SFMBT2: variants seen among roughly 807,000 people sequenced by gnomAD.
The protein encoded by SFMBT2 is Scm like with four mbt domains 2, also known as scm-like with four MBT domains protein 2.
SFMBT2 carries 38 observed loss-of-function variants against 110.1 expected under a neutral mutation model. The ratio of observed to expected loss-of-function variants is 0.35; its 90% CI spans 0.27 to 0.45. SFMBT2 has a LOEUF of 0.45. Among genes scored for constraint, SFMBT2 ranks in the 20% least tolerant of loss-of-function variants. SFMBT2 has a pLI of 1.00. For missense variants in SFMBT2, 1,011 were observed against 1,094.9 expected, an observed-to-expected ratio of 0.92 and a Z score of 1.08; for synonymous variants, 425 against 425.4, an observed-to-expected ratio of 1.00 and a Z score of 0.01.
chr10:7,364,220 C>T (rs1444931085), intron 4 of SFMBT2, among the ~76,000 whole-genome samples: 1 of 152,238 alleles, frequency 6.6e-6, no homozygotes, highest in African/African-American at 2.4e-5. Context: ...TGATTACCCA[C>T]TAAATGTTTT....
intron 3 of SFMBT2, among the ~76,000 whole-genome samples, chr10:7,368,103 A>G (rs985686396): frequency 6.6e-6 from 1 of 152,262 alleles, no homozygotes; most frequent in Non-Finnish European, 1.5e-5. Flanking sequence ...AAAAAAGAAT[A>G]AATTTAATTC....
At chr10:7,190,237 T>C (rs1838553247) in intron 15 of SFMBT2, among the ~76,000 whole-genome samples, 1 of 152,252 alleles carries the variant, frequency 6.6e-6, no homozygotes, top group Admixed American at 6.5e-5. Flanking sequence ...CTGATTTTAT[T>C]GTTTACTGTC....
chr10:7,296,914 C>T (rs1406172339), intron 4 of SFMBT2, among the ~76,000 whole-genome samples: 1 of 152,366 alleles, frequency 6.6e-6, no homozygotes, highest in Admixed American at 6.5e-5. Context: ...GGTTCCATCA[C>T]AGCAGCGGCT....
At chr10:7,177,388 G>A (rs1238229875) in intron 16 of SFMBT2, among the ~76,000 whole-genome samples, 3 of 152,116 alleles carry the variant, frequency 2.0e-5, no homozygotes, top group Non-Finnish European at 4.4e-5. Flanking sequence ...TCTAACTGAG[G>A]GGCCTCACAT....
At chr10:7,186,425 T>TACACATACACACAC (rs1554782947) in intron 16 of SFMBT2, among the ~76,000 whole-genome samples, 38 of 109,368 alleles carry the variant, frequency 3.5e-4, no homozygotes, top group African/African-American at 1.2e-3. Context: ...ATACTATATA[T>TACACATACACACAC]ACACACACAC....
rs1430725206 is a variant in SFMBT2 at position 7,313,153 on chromosome 10, G to C, written c.437-27199C>G. ...AAGAAAATAAATTTTAAAATACAGA[G>C]AGAATAATACAATTGTTATACATAA... On this transcript the variant is annotated intron_variant, in intron 4 of 20. Coordinates refer to ENST00000397167, the MANE Select transcript of SFMBT2 (RefSeq NM_001387889.1). Among the ~76,000 whole-genome samples, 4 of 150,158 alleles carry C rather than the reference G, an allele frequency of 2.7e-5. No individual in the cohort carries two copies. In the East Asian group the frequency reaches 7.8e-4, roughly 29 times the overall value.
At chr10:7,191,124 C>T (rs1838588470) in intron 15 of SFMBT2, among the ~76,000 whole-genome samples, 1 of 152,194 alleles carries the variant, frequency 6.6e-6, no homozygotes, top group Admixed American at 6.5e-5. Context: ...TGCCCAGTCT[C>T]AGGTATGTCT....
chr10:7,173,961 C>G (rs1325907105), intron 17 of SFMBT2, among the ~76,000 whole-genome samples: 1 of 152,160 alleles, frequency 6.6e-6, no homozygotes, highest in East Asian at 1.9e-4. Flanking sequence ...CAAAATGAGA[C>G]CATCAGGACT....
intron 4 of SFMBT2, among the ~76,000 whole-genome samples, chr10:7,323,450 C>CAAA (rs1388420156): frequency 8.8e-5 from 2 of 22,850 alleles, no homozygotes; most frequent in Non-Finnish European, 1.8e-4. Flanking sequence ...GACTCCATCT[C>CAAA]AAAAAAAAAA....
At chr10:7,313,274 G>A (rs1425064490) in intron 4 of SFMBT2, among the ~76,000 whole-genome samples, 1 of 151,944 alleles carries the variant, frequency 6.6e-6, no homozygotes, top group East Asian at 1.9e-4. Flanking sequence ...CAATTGCACT[G>A]TGTATGGTAA....
intron 1 of SFMBT2, among the ~76,000 whole-genome samples, chr10:7,400,745 G>A (rs1475817401): frequency 6.6e-6 from 1 of 152,200 alleles, no homozygotes; most frequent in East Asian, 1.9e-4. Context: ...GCCTGGCTTG[G>A]GGCCTCCTCT....
At chr10:7,273,403 G>C (rs983146498) in intron 7 of SFMBT2, among the ~76,000 whole-genome samples, 2 of 152,172 alleles carry the variant, frequency 1.3e-5, no homozygotes, top group African/African-American at 4.8e-5. Flanking sequence ...GTGAACTTCA[G>C]CCTGCTCCTG....
intron 4 of SFMBT2, among the ~76,000 whole-genome samples, chr10:7,300,510 C>A (rs1285828892): frequency 6.6e-6 from 1 of 152,314 alleles, no homozygotes; most frequent in South Asian, 2.1e-4. Flanking sequence ...GCCTGCAGTT[C>A]ACACTGCCCC....
At chr10:7,360,340 G>T (rs566654917) in intron 4 of SFMBT2, among the ~76,000 whole-genome samples, 1 of 152,280 alleles carries the variant, frequency 6.6e-6, no homozygotes, top group African/African-American at 2.4e-5. Flanking sequence ...GGTGGTGCGT[G>T]CCTGTAGTTC....
intron 7 of SFMBT2, among the ~76,000 whole-genome samples, chr10:7,274,359 G>A (rs184400851): frequency 6.6e-6 from 1 of 152,256 alleles, no homozygotes; most frequent in Admixed American, 6.5e-5. Context: ...GATATGGTTT[G>A]GCTGTGTCCC....
chr10:7,327,680 CAA>C (rs780856995), intron 4 of SFMBT2, among the ~76,000 whole-genome samples: 55 of 98,932 alleles, frequency 5.6e-4, no homozygotes, highest in Admixed American at 6.6e-4. Context: ...GACTCTAACT[CAA>C]AAAAAAAAAA....
intron 8 of SFMBT2, 87 bp downstream of exon 8, chr10:7,248,461 C>A (rs1840689382): frequency 8.9e-6 from 10 of 1,123,798 alleles, no homozygotes; most frequent in African/African-American, 3.1e-5. Context: ...CTTGCACGAA[C>A]ATATGTCATC....
chr10:7,207,580 G>A (rs1239747493), intron 11 of SFMBT2: 1 of 979,108 alleles, frequency 1.0e-6, no homozygotes, highest in Non-Finnish European at 1.2e-6. Context: ...AAAATAACCT[G>A]GTGAGCCCCA....
intron 5 of SFMBT2, chr10:7,284,771 T>C (rs1259551709): frequency 2.6e-5 from 5 of 190,118 alleles, no homozygotes; most frequent in Non-Finnish European, 4.9e-5. Context: ...TTACAGAATG[T>C]ATAATTACTG....
Sources: allele counts gnomAD v4.1 joint callset (sites outside exome capture counted in the v4.1 genomes callset), GRCh38; gene constraint gnomAD v4.1.1; transcripts MANE v1.5; gene names NCBI Gene and HGNC (gene_info 2026-07-23, HGNC 2026-07-21).